ADAMDEC1: variants seen among roughly 807,000 people sequenced by gnomAD.
ADAMDEC1 encodes the protein ADAM DEC1.
ADAMDEC1 carries 62 observed loss-of-function variants against 60.4 expected under a neutral mutation model. The ratio of observed to expected loss-of-function variants is 1.03; its 90% CI spans 0.84 to 1.27. The LOEUF is 1.27. ADAMDEC1 is among the 50% of genes most tolerant of loss of function. The pLI is 0.00. For synonymous variants in ADAMDEC1, 210 were observed against 195.1 expected, an observed-to-expected ratio of 1.08 and a Z score of -0.64; for missense variants, 595 against 565.0, an observed-to-expected ratio of 1.05 and a Z score of -0.54.
chr8:24,404,130 G>A (rs569297771), intron 13 of ADAMDEC1, 42 bp downstream of exon 13: 37 of 1,563,182 alleles, frequency 2.4e-5, no homozygotes, highest in Middle Eastern at 3.4e-4. Context: ...GTTTTCTCAC[G>A]TTTATTTCAG....
chr8:24,399,014 G>C lies in ADAMDEC1; in HGVS notation c.903G>C (p.Lys301Asn), dbSNP rs1817690267. 1.2e-6 allele frequency: 2 copies of C among 1,613,248 alleles called. No homozygotes were observed. The highest frequency in any genetic ancestry group is 1.3e-5 in the African/African-American group (1 of 74,904). The change falls in exon 9 of 14, where the codon AAG (lysine) becomes AAC (asparagine). Residue 301 changes from lysine (K) to asparagine (N), a missense_variant. Transcript: ENST00000256412. ...LRWHSSNLGK[K>N]IHDHAQLLSG... ...GGCACAGTTCTAACCTGGGGAAAAA[G>C]ATCCACGACCATGCTCAGCTTCTCA...
rs1207275267 is a variant in ADAMDEC1 at position 24,399,415 on chromosome 8, C to T, written c.952C>T (p.Arg318Cys). Residue 318 changes from arginine to cysteine, a missense_variant, in exon 10 of 14, where the codon CGT becomes TGT. Arg to Cys is a radical substitution (Grantham distance 180, BLOSUM62 -3). Coordinates refer to ENST00000256412, the MANE Select transcript of ADAMDEC1 (RefSeq NM_014479.3). Reference sequence around the variant, plus strand: ...CAGCGGGATTAGCTTCAACAATCGACGTGTGGGACTGGCAGCTTCAAATTC... The same window carrying T: ...CAGCGGGATTAGCTTCAACAATCGATGTGTGGGACTGGCAGCTTCAAATTC... ...LLSGISFNNRRVGLAASNSLC... is the reference protein window; with the variant it reads ...LLSGISFNNRCVGLAASNSLC... The T allele has an allele frequency of 5.0e-6, 8 of 1,613,748 alleles. No individual in the cohort carries two copies. Among genetic ancestry groups the T allele is most frequent in the Admixed American group, 3.3e-5 (2 of 59,980 alleles).
In ADAMDEC1 at chr8:24,402,018, A is replaced by C. The variant is rs1563357899; in HGVS notation, c.1246A>C (p.Asn416His). The stretch of plus-strand genomic sequence containing the variant: ...CCTGCTGCAAGCACCTATTCCTACA[A>C]ATATAATGACAACACCAGTGTGTGG... The part of the protein sequence containing the change: ...KCLLQAPIPT[N>H]IMTTPVCGNH... Residue 416 changes from asparagine (N) to histidine (H), a missense_variant, in exon 12 of 14, where the codon AAT becomes CAT. Physicochemically the swap from Asn to His is moderately conservative, Grantham distance 68. Transcript: ENST00000256412. The C allele has an allele frequency of 6.2e-7, 1 of 1,613,380 alleles. No homozygotes were observed. Among genetic ancestry groups the C allele is most frequent in the South Asian group, 1.1e-5 (1 of 91,046 alleles).
chr8:24,399,955 A>G (rs1247529476), intron 10 of ADAMDEC1, among the ~76,000 whole-genome samples: 1 of 152,216 alleles, frequency 6.6e-6, no homozygotes, highest in Non-Finnish European at 1.5e-5. Context: ...CTGGTAACTT[A>G]GTATCCATTA....
intron 12 of ADAMDEC1, among the ~76,000 whole-genome samples, chr8:24,403,431 G>T (rs952361451): frequency 1.3e-5 from 2 of 151,698 alleles, no homozygotes; most frequent in Non-Finnish European, 2.9e-5. Flanking sequence ...CTATTTTAAA[G>T]ATTGTAACTT....
At chr8:24,404,134 A>C in intron 13 of ADAMDEC1, 46 bp downstream of exon 13, 1 of 1,561,528 alleles carries the variant, frequency 6.4e-7, no homozygotes. Context: ...TCTCACGTTT[A>C]TTTCAGATTT....
At chr8:24,391,980 G>A (rs746182350) in intron 1 of ADAMDEC1, among the ~76,000 whole-genome samples, 16 of 151,948 alleles carry the variant, frequency 1.1e-4, no homozygotes, top group Non-Finnish European at 1.8e-4. Context: ...GTCCTTTCTG[G>A]GCATGGTGGT....
At chr8:24,384,631 A>T in intron 1 of ADAMDEC1, 39 bp downstream of exon 1, 1 of 1,551,630 alleles carries the variant, frequency 6.4e-7, no homozygotes, top group Non-Finnish European at 8.8e-7. Context: ...TAAAAGTCAA[A>T]TTATTTGATG....
At chr8:24,400,572 C>A (rs1817737551) in intron 11 of ADAMDEC1, among the ~76,000 whole-genome samples, 1 of 151,464 alleles carries the variant, frequency 6.6e-6, no homozygotes, top group South Asian at 2.1e-4. Flanking sequence ...ATAAAGACAT[C>A]AAAAGTGCTA....
intron 1 of ADAMDEC1, among the ~76,000 whole-genome samples, chr8:24,390,900 G>A (rs1817429716): frequency 6.6e-6 from 1 of 152,050 alleles, no homozygotes; most frequent in East Asian, 1.9e-4. Flanking sequence ...GACAGAACAA[G>A]AAGTGAGGTA....
chr8:24,390,188 C>A, intron 1 of ADAMDEC1: 1 of 1,122,302 alleles, frequency 8.9e-7, no homozygotes, highest in Non-Finnish European at 1.2e-6. Flanking sequence ...ATGAATATTT[C>A]AGTTTTCACA....
At position 24,401,985 on chromosome 8, in the gene ADAMDEC1, C is replaced by A. The variant is rs1002258127; in HGVS notation, c.1213C>A (p.Pro405Thr). The A allele has an allele frequency of 6.2e-7, 1 of 1,613,342 alleles. No homozygotes were observed. The highest frequency in any genetic ancestry group is 2.2e-5 in the East Asian group (1 of 44,822). Residue 405 changes from proline to threonine, a missense_variant, in exon 12 of 14, where the codon CCA (proline) becomes ACA (threonine). Pro to Thr is a conservative substitution (Grantham distance 38, BLOSUM62 -1). Coordinates refer to ENST00000256412, the MANE Select transcript of ADAMDEC1 (RefSeq NM_014479.3). ...TGAAAGATACCTTTTATCTCAGAAA[C>A]CAAAGTGCCTGCTGCAAGCACCTAT... is the stretch of plus-strand genomic sequence containing the variant. Reference protein sequence around the residue: ...HFERYLLSQKPKCLLQAPIPT... With the variant: ...HFERYLLSQKTKCLLQAPIPT...
intron 11 of ADAMDEC1, among the ~76,000 whole-genome samples, chr8:24,401,330 C>A (rs931141709): frequency 1.3e-5 from 2 of 152,094 alleles, no homozygotes; most frequent in African/African-American, 4.8e-5. Context: ...AAATATTAAT[C>A]TCATTATGTT....
intron 1 of ADAMDEC1, among the ~76,000 whole-genome samples, chr8:24,388,292 TA>T (rs139312868): frequency 0.023 from 3,540 of 152,202 alleles, 134 homozygotes; most frequent in African/African-American, 0.082. Flanking sequence ...CCCTTTTGCA[TA>T]AAAAAATCTT....
Position 24,384,604 on chromosome 8 carries a change from C to G in ADAMDEC1, c.88+12C>G, listed in dbSNP as rs994105548. ...TGTTCAAACTCAAGGTACGTACCATCACACCAGCATTTTACATAAAAGTCA... is the reference window on the plus strand; with the variant it reads ...TGTTCAAACTCAAGGTACGTACCATGACACCAGCATTTTACATAAAAGTCA... On this transcript the variant is annotated intron_variant, in intron 1 of 13. Coordinates refer to ENST00000256412, the MANE Select transcript of ADAMDEC1 (RefSeq NM_014479.3). 6.3e-7 allele frequency: 1 copy of G among 1,597,672 alleles called. No homozygotes were observed. Among genetic ancestry groups the G allele is most frequent in the East Asian group, 2.3e-5 (1 of 44,084 alleles).
At position 24,402,036 on chromosome 8, in the gene ADAMDEC1, G is replaced by A; in HGVS notation, c.1264G>A (p.Val422Met). ...PIPTNIMTTP[V>M]CGNHLLEVGE... ...TCCTACAAATATAATGACAACACCAGTGTGTGGGAACCACCTTCTAGAAGT... is the reference window on the plus strand; with the variant it reads ...TCCTACAAATATAATGACAACACCAATGTGTGGGAACCACCTTCTAGAAGT... The change falls in exon 12 of 14, where the codon GTG becomes ATG. Residue 422 changes from valine (V) to methionine (M), a missense_variant. By Grantham distance (21) the Val-to-Met change is conservative (BLOSUM62 1). Coordinates refer to ENST00000256412, the MANE Select transcript of ADAMDEC1 (RefSeq NM_014479.3). The A allele has an allele frequency of 6.2e-7, 1 of 1,613,212 alleles. No homozygotes were observed. Among genetic ancestry groups the A allele is most frequent in the Non-Finnish European group, 8.5e-7 (1 of 1,179,382 alleles).
chr8:24,394,038 A>T (rs753293437), intron 3 of ADAMDEC1, 31 bp from the exon 4 acceptor site: 1 of 1,475,916 alleles, frequency 6.8e-7, no homozygotes, highest in East Asian at 2.3e-5. Flanking sequence ...TACCATCCTG[A>T]GTGGTCCATG....
At chr8:24,396,448 C>T (rs1817615106) in intron 5 of ADAMDEC1, among the ~76,000 whole-genome samples, 1 of 152,030 alleles carries the variant, frequency 6.6e-6, no homozygotes, top group South Asian at 2.1e-4. Flanking sequence ...GGAGGCGGAG[C>T]TTGCAATGAG....
chr8:24,392,958 T>TGG (rs1269059101), intron 2 of ADAMDEC1, among the ~76,000 whole-genome samples: 1 of 121,776 alleles, frequency 8.2e-6, no homozygotes, highest in African/African-American at 3.0e-5. Context: ...GTAAGAAAAA[T>TGG]ACACACCTTG....
Sources: allele counts gnomAD v4.1 joint callset (sites outside exome capture counted in the v4.1 genomes callset), GRCh38; gene constraint gnomAD v4.1.1; transcripts MANE v1.5; gene names NCBI Gene and HGNC (gene_info 2026-07-23, HGNC 2026-07-21).